HERC2: variants seen among roughly 807,000 people sequenced by gnomAD.
HERC2 encodes the protein E3 ubiquitin-protein ligase HERC2.
A neutral mutation model predicts 537.7 loss-of-function variants in HERC2; 102 were observed. The ratio of observed to expected loss-of-function variants is 0.19; its 90% CI spans 0.16 to 0.22. HERC2 has a LOEUF of 0.22. HERC2 is among the 10% of genes least tolerant of loss of function. HERC2 has a pLI of 1.00. For synonymous variants in HERC2, 2,224 were observed against 2,466.2 expected (o/e 0.90, Z 2.91); for missense variants, 4,236 against 6,198.2 (o/e 0.68, Z 10.63).
Position 28,141,608 on chromosome 15 carries a change from A to G in HERC2, c.11839T>C (p.Ser3947Pro). The change falls in exon 78 of 93, where the codon TCT (serine) becomes CCT (proline). Residue 3947 changes from serine to proline, a missense_variant. Physicochemically the swap from Ser to Pro is moderately conservative, Grantham distance 74 (BLOSUM62 -1). Transcript: ENST00000261609. ...TAAATTGTTCCACTGCCACCAGCAG[A>G]GAGAGTCCAGTCATCTGGTCGCCTA... Reference protein sequence around the residue: ...MNRRPDDWTLSAGGSGTIYGW... With the variant: ...MNRRPDDWTLPAGGSGTIYGW... 6.2e-7 allele frequency: 1 copy of G among 1,614,188 alleles called. No individual in the cohort carries two copies. The highest frequency in any genetic ancestry group is 8.5e-7 in the Non-Finnish European group (1 of 1,180,034).
At position 28,122,567 on chromosome 15, in the gene HERC2, G is replaced by A. The variant is rs948161856; in HGVS notation, c.13189-1138C>T. Reference sequence around the variant, plus strand: ...CATCCTGCTCCCAGAGGCCCTGCCTGGACCTCAGGGCGGCTCCCCCTCCAC... The same window carrying A: ...CATCCTGCTCCCAGAGGCCCTGCCTAGACCTCAGGGCGGCTCCCCCTCCAC... On this transcript the variant is annotated intron_variant, in intron 85 of 92. Transcript: ENST00000261609. The surrounding 1 kb of genome is among the most constrained non-coding windows in gnomAD (Gnocchi z 4.1). Among the ~76,000 whole-genome samples, 5 of 152,084 alleles carry A rather than the reference G, an allele frequency of 3.3e-5. No homozygotes were observed. The highest frequency in any genetic ancestry group is 7.4e-5 in the Non-Finnish European group (5 of 68,010).
intron 56 of HERC2, among the ~76,000 whole-genome samples, chr15:28,186,225 A>C (rs1896296244): frequency 6.6e-6 from 1 of 152,232 alleles, no homozygotes; most frequent in African/African-American, 2.4e-5. Context: ...CTTAACAAAA[A>C]GAGCTTTAAA....
At position 28,121,384 on chromosome 15, in the gene HERC2, G is replaced by A. The variant is rs747054677; in HGVS notation, c.13234C>T (p.Arg4412Cys). ...KVVQATMVRD[R>C]QHGPVVELNR... ...AGCTCCACGACGGGGCCATGCTGAC[G>A]ATCGCGTACCATAGTTGCTTGTACT... The change falls in exon 86 of 93, where the codon CGT becomes TGT. Residue 4412 changes from arginine (R) to cysteine (C), a missense_variant. Transcript: ENST00000261609. 1.9e-6 allele frequency: 3 copies of A among 1,614,174 alleles called. No homozygotes were observed. Among genetic ancestry groups the A allele is most frequent in the Non-Finnish European group, 2.5e-6 (3 of 1,180,020 alleles).
At chr15:28,221,901 A>G in intron 36 of HERC2, 127 bp downstream of exon 36, 1 of 852,836 alleles carries the variant, frequency 1.2e-6, no homozygotes, top group East Asian at 2.4e-5. Flanking sequence ...CTCGGGAACC[A>G]ACACCTGTGT....
Position 28,202,429 on chromosome 15 carries a change from C to T in HERC2, c.7398G>A (p.Met2466Ile), listed in dbSNP as rs553499822. The T allele has an allele frequency of 1.3e-6, 2 of 1,562,534 alleles. No individual in the cohort carries two copies. Among genetic ancestry groups the T allele is most frequent in the East Asian group, 4.5e-5 (2 of 44,610 alleles). ...VPALPIVVQL[M>I]EMGFSRRNIE... is the part of the protein sequence containing the mutation. Reference sequence around the variant, plus strand: ...TGTTCCTTCTGGAAAATCCCATCTCCATGAGCTGCACCACGATCGGCAGAG... The same window carrying T: ...TGTTCCTTCTGGAAAATCCCATCTCTATGAGCTGCACCACGATCGGCAGAG... Residue 2466 changes from methionine to isoleucine, a missense_variant, in exon 46 of 93, where the codon ATG (methionine) becomes ATA (isoleucine). Coordinates refer to ENST00000261609, the MANE Select transcript of HERC2 (RefSeq NM_004667.6).
chr15:28,309,578 A>C (rs1298669395), intron 2 of HERC2, among the ~76,000 whole-genome samples: 1 of 152,124 alleles, frequency 6.6e-6, no homozygotes, highest in Non-Finnish European at 1.5e-5. Context: ...CAGCCAATGA[A>C]CTGCCTGTGG....
intron 38 of HERC2, among the ~76,000 whole-genome samples, chr15:28,216,308 TAA>T (rs1265391340): frequency 5.5e-5 from 8 of 146,450 alleles, no homozygotes; most frequent in African/African-American, 1.1e-4. Context: ...CTGCACCACT[TAA>T]ATATTTTTTT....
chr15:28,222,941 G>A (rs1292705898), intron 35 of HERC2, among the ~76,000 whole-genome samples: 3 of 152,178 alleles, frequency 2.0e-5, no homozygotes, highest in Non-Finnish European at 4.4e-5. Context: ...GGATCCTGTG[G>A]AAGCTTGTAC....
rs778936605 is a variant in HERC2, at chr15:28,113,588, G to A, written c.14004C>T (p.Tyr4668=). The A allele has an allele frequency of 2.1e-5, 34 of 1,613,972 alleles. No homozygotes were observed. Among genetic ancestry groups the A allele is most frequent in the South Asian group, 7.7e-5 (7 of 91,084 alleles). ...GTCGGCATACCATCGTCTCCAGTTC[G>A]TAGCCGGTGAACAGAGAGAGGAGGG... The part of the protein sequence containing the change: ...PVPLLSLFTG[Y]ELETMVCGSP... Residue 4668 remains tyrosine (Y), a synonymous_variant, in exon 91 of 93, where the codon TAC becomes TAT. Coordinates refer to ENST00000261609, the MANE Select transcript of HERC2 (RefSeq NM_004667.6). This position sits in a 1 kb window ranked among gnomAD's most constrained non-coding sequence, Gnocchi z 7.0.
intron 12 of HERC2, 143 bp from the exon 13 acceptor site, chr15:28,266,117 G>A (rs2075560585): frequency 2.3e-6 from 2 of 882,802 alleles, no homozygotes; most frequent in Admixed American, 2.8e-5. Flanking sequence ...GTGAAAGAAG[G>A]AAGAGAGAAT....
chr15:28,204,447 C>A (rs1898195726), intron 45 of HERC2, among the ~76,000 whole-genome samples: 1 of 151,922 alleles, frequency 6.6e-6, no homozygotes, highest in Admixed American at 6.6e-5. Context: ...TGGTAAAACC[C>A]CATCTCTACT....
At chr15:28,319,584 CAAAAAAA>C (rs1168038967) in intron 2 of HERC2, among the ~76,000 whole-genome samples, 2 of 58,266 alleles carry the variant, frequency 3.4e-5, no homozygotes, top group South Asian at 6.3e-4. Flanking sequence ...GACTGCGTCT[CAAAAAAA>C]AAAAAAAAAA....
At chr15:28,144,596 G>A in intron 72 of HERC2, 77 bp downstream of exon 72, 1 of 1,593,330 alleles carries the variant, frequency 6.3e-7, no homozygotes. Context: ...ACGTGGACAT[G>A]TGCACGTGTC....
rs1174854629 is a variant in HERC2 at position 28,218,601 on chromosome 15, C to T, written c.5916G>A (p.Gln1972=). The T allele has an allele frequency of 6.3e-7, 1 of 1,596,114 alleles. No individual in the cohort carries two copies. The highest frequency in any genetic ancestry group is 8.5e-7 in the Non-Finnish European group (1 of 1,177,934). The change falls in exon 38 of 93, where the codon CAG becomes CAA. Residue 1972 remains glutamine (Q), a synonymous_variant. Transcript: ENST00000261609. ...GAACTCCAGCAGACAGACAAAGAGTCTGCAGTAAGTTAATAGTGCTGGTAA... is the reference window on the plus strand; with the variant it reads ...GAACTCCAGCAGACAGACAAAGAGTTTGCAGTAAGTTAATAGTGCTGGTAA... ...MMFTSTINLL[Q]TLCLSAGVHA...
intron 42 of HERC2, among the ~76,000 whole-genome samples, chr15:28,213,073 TG>T (rs1480052301): frequency 7.5e-6 from 1 of 132,948 alleles, no homozygotes; most frequent in Non-Finnish European, 1.6e-5. Flanking sequence ...TAGCCAGGCG[TG>T]GTGGCACACA....
rs1436970698 is a variant in HERC2 at position 28,268,819 on chromosome 15, G to C, written c.1447-203C>G. On this transcript the variant is annotated intron_variant, in intron 11 of 92. Coordinates refer to ENST00000261609, the MANE Select transcript of HERC2 (RefSeq NM_004667.6). The surrounding 1 kb of genome is among the most constrained non-coding windows in gnomAD (Gnocchi z 4.7). ...GCGGGCAGCCTCCAAGTGCTCTGCA[G>C]CAAGACCAGAGCCGATGCAGGGGCA... 6.6e-6 allele frequency among the ~76,000 whole-genome samples: 1 copy of C among 152,172 alleles called. No individual in the cohort carries two copies. Among genetic ancestry groups the C allele is most frequent in the South Asian group, 2.1e-4 (1 of 4,830 alleles).
At chr15:28,314,723 T>TGATG (rs139031320) in intron 2 of HERC2, among the ~76,000 whole-genome samples, 14,202 of 150,432 alleles carry the variant, frequency 0.094, 14 homozygotes, top group East Asian at 0.43. Flanking sequence ...TAGCCAGGAA[T>TGATG]GATGGTACAC....
In HERC2 at chr15:28,141,838, C is replaced by G; in HGVS notation, c.11709G>C (p.Lys3903Asn). The change falls in exon 77 of 93, where the codon AAG becomes AAC. Residue 3903 changes from lysine (K) to asparagine (N), a missense_variant. Lys to Asn is a moderately conservative substitution (Grantham distance 94). Around this residue, in one of 27 missense-constraint regions of HERC2, gnomAD observed 156 missense variants for 172.3 expected, o/e 0.91. Coordinates refer to ENST00000261609, the MANE Select transcript of HERC2 (RefSeq NM_004667.6). ...LPRLFLDEVAKKIRELMADSE... is the reference protein window; with the variant it reads ...LPRLFLDEVANKIRELMADSE... The stretch of plus-strand genomic sequence containing the variant: ...TGTCTGCCATTAATTCACGAATTTT[C>G]TTAGCCACCTAAACAAAATTATTAT... 6.2e-7 allele frequency: 1 copy of G among 1,612,186 alleles called. No homozygotes were observed. The highest frequency in any genetic ancestry group is 1.1e-5 in the South Asian group (1 of 90,940).
chr15:28,182,379 G>A, intron 57 of HERC2, 22 bp downstream of exon 57: 1 of 1,538,886 alleles, frequency 6.5e-7, no homozygotes, highest in South Asian at 1.1e-5. Context: ...CACCCTGCTG[G>A]GTCCCAGGGA....
Sources: gnomAD v4.1 joint callset for allele counts (sites outside exome capture counted in the v4.1 genomes callset) on GRCh38, gnomAD v4.1.1 for gene constraint, gnomAD v4.1.1 regional missense constraint, Gnocchi (gnomAD v3.1) non-coding constraint, MANE v1.5 for transcripts, NCBI Gene and HGNC (gene_info 2026-07-23, HGNC 2026-07-21) for gene names.